The following NREP variants were observed in gnomAD, a reference collection of about 807,000 sequenced individuals.
NREP encodes the protein neuronal regeneration related protein, also known as neuronal regeneration-related protein.
A neutral mutation model predicts 8.6 loss-of-function variants in NREP; 5 were observed. That is an observed-to-expected ratio of 0.58 (90% CI 0.30 to 1.22). The LOEUF (loss-of-function observed/expected upper bound fraction) is 1.22. NREP is among the 50% of genes most tolerant of loss of function. NREP has a pLI of 0.07. For missense variants in NREP, 86 were observed against 82.5 expected, an observed-to-expected ratio of 1.04 and a Z score of -0.17; for synonymous variants, 27 against 28.0, an observed-to-expected ratio of 0.96 and a Z score of 0.11.
chr5:111,793,440 A>G (rs1382311853), intron 2 of NREP, among the ~76,000 whole-genome samples: 1 of 152,136 alleles, frequency 6.6e-6, no homozygotes, highest in African/African-American at 2.4e-5. Context: ...AGGCAGGAGA[A>G]GATAATTGTC....
intron 2 of NREP, among the ~76,000 whole-genome samples, chr5:111,852,208 G>T (rs1308173850): frequency 6.6e-6 from 1 of 152,162 alleles, no homozygotes; most frequent in African/African-American, 2.4e-5. Context: ...TCTCCCAATG[G>T]TGGTGGAAGG....
chr5:111,856,924 G>GA (rs1169745740), intron 2 of NREP, among the ~76,000 whole-genome samples: 2 of 152,122 alleles, frequency 1.3e-5, no homozygotes, highest in Non-Finnish European at 2.9e-5. Context: ...CTCTGTGCTA[G>GA]ATTGTTTTTA....
chr5:111,853,726 G>A (rs1753362170), intron 2 of NREP, among the ~76,000 whole-genome samples: 1 of 151,592 alleles, frequency 6.6e-6, no homozygotes, highest in African/African-American at 2.4e-5. Context: ...GGCTTGGGCT[G>A]GATCTCAGGG....
intron 2 of NREP, among the ~76,000 whole-genome samples, chr5:111,907,553 G>A (rs1010337667): frequency 6.6e-6 from 1 of 151,852 alleles, no homozygotes; most frequent in African/African-American, 2.4e-5. Context: ...CTATTCCTTT[G>A]CCAATACCAT....
chr5:111,952,069 A>G (rs1756176138), intron 2 of NREP, among the ~76,000 whole-genome samples: 1 of 152,114 alleles, frequency 6.6e-6, no homozygotes, highest in Non-Finnish European at 1.5e-5. Flanking sequence ...GTTCTTCTAC[A>G]GTGCTTAATT....
intron 2 of NREP, among the ~76,000 whole-genome samples, chr5:111,810,363 G>T (rs1050471705): frequency 8.5e-5 from 13 of 152,140 alleles, no homozygotes; most frequent in Non-Finnish European, 1.8e-4. Context: ...ACTAGACAAT[G>T]AATAACCTTC....
chr5:111,757,404 G>T, upstream of NREP: 1 of 968,432 alleles, frequency 1.0e-6, no homozygotes, highest in Non-Finnish European at 1.2e-6. Context: ...AAGAGTGTGT[G>T]TGTCTCTCTC....
At chr5:111,772,999 T>C (rs186745977) in intron 2 of NREP, among the ~76,000 whole-genome samples, 9 of 152,198 alleles carry the variant, frequency 5.9e-5, no homozygotes, top group African/African-American at 2.2e-4. Context: ...TAAGTCAACA[T>C]AGTATTGATA....
rs183213331 is a variant in NREP at position 111,881,092 on chromosome 5, C to T, written c.135+94182G>A. Among the ~76,000 whole-genome samples the T allele has an allele frequency of 1.6e-4, 25 of 152,110 alleles. No individual in the cohort carries two copies. The South Asian group carries it at 2.3e-3, about 14-fold the overall frequency. On this transcript the variant is annotated intron_variant, in intron 2 of 3. Transcript: ENST00000395634. ...CCTAGTCAAAGAAAGTGGTGACAGA[C>T]GGCACCTGGAAAATTGGGTTACTCC... is the stretch of plus-strand genomic sequence containing the variant.
Position 111,864,359 on chromosome 5 carries a change from T to C in NREP, c.135+110915A>G, listed in dbSNP as rs190997649. Among the ~76,000 whole-genome samples the C allele has an allele frequency of 1.7e-3, 259 of 152,286 alleles. 1 individual carries two copies. Among genetic ancestry groups the C allele is most frequent in the African/African-American group, 6.0e-3 (249 of 41,568 alleles). On this transcript the variant is annotated intron_variant, in intron 2 of 3. Coordinates refer to the NREP transcript ENST00000395634. The stretch of plus-strand genomic sequence containing the variant: ...TAAGAAGGCATGCAGTGCTCTCTTT[T>C]AGCTGAATAGTATCTCATGGCAATA...
chr5:111,916,610 G>T (rs970155429), intron 2 of NREP, among the ~76,000 whole-genome samples: 6 of 152,156 alleles, frequency 3.9e-5, no homozygotes, highest in Non-Finnish European at 8.8e-5. Context: ...GAGATTCCTT[G>T]GCTTCAAATC....
chr5:111,973,401 T>C (rs1756875526), intron 2 of NREP, among the ~76,000 whole-genome samples: 1 of 152,164 alleles, frequency 6.6e-6, no homozygotes, highest in South Asian at 2.1e-4. Flanking sequence ...CTCCCACATT[T>C]CCTGAGCCAT....
intron 2 of NREP, among the ~76,000 whole-genome samples, chr5:111,853,586 CAA>C (rs1336784095): frequency 2.0e-5 from 3 of 151,738 alleles, no homozygotes; most frequent in African/African-American, 7.3e-5. Context: ...TTACAACTAC[CAA>C]AAAAAGTTTT....
In NREP at chr5:111,731,057, G is replaced by C; in HGVS notation, c.82-11C>G. On this transcript the variant is annotated splice_polypyrimidine_tract_variant and intron_variant, in intron 3 of 3. Coordinates refer to ENST00000257435, the MANE Select transcript of NREP (RefSeq NM_004772.4). ...GACAGGAAGTCTTCCCTGCAAAGCAGGCAGACCCACACACAGACAGACACA... is the reference window on the plus strand; with the variant it reads ...GACAGGAAGTCTTCCCTGCAAAGCACGCAGACCCACACACAGACAGACACA... 1 of 1,613,502 alleles carries C rather than the reference G, an allele frequency of 6.2e-7. No homozygotes were observed. Among genetic ancestry groups the C allele is most frequent in the Non-Finnish European group, 8.5e-7 (1 of 1,179,668 alleles).
At chr5:111,824,235 G>T (rs1345531176) in intron 2 of NREP, among the ~76,000 whole-genome samples, 1 of 152,152 alleles carries the variant, frequency 6.6e-6, no homozygotes, top group Non-Finnish European at 1.5e-5. Flanking sequence ...CTGGCGTAGT[G>T]GTGGGCACCT....
intron 3 of NREP, chr5:111,732,679 A>AAAG (rs1748705101): frequency 6.7e-6 from 1 of 150,340 alleles, no homozygotes; most frequent in Non-Finnish European, 1.5e-5. Context: ...AAAAAAAAAA[A>AAAG]GGAAATCCAC....
At chr5:111,780,509 T>C (rs1452506112) in intron 2 of NREP, among the ~76,000 whole-genome samples, 1 of 152,122 alleles carries the variant, frequency 6.6e-6, no homozygotes, top group Admixed American at 6.6e-5. Context: ...ATCCCACTCA[T>C]TGCTGCAAAC....
At position 111,894,575 on chromosome 5, in the gene NREP, C is replaced by T. The variant is rs1053573492; in HGVS notation, c.135+80699G>A. 3.3e-5 allele frequency among the ~76,000 whole-genome samples: 5 copies of T among 152,042 alleles called. No individual in the cohort carries two copies. In the South Asian group the frequency reaches 1.0e-3, roughly 32 times the overall value. ...ACCAAATGGAAAAACAGCAGCTTTC[C>T]AAGACCACAGCCACTTCTGTGTTGA... On this transcript the variant is annotated intron_variant, in intron 2 of 3. Transcript: ENST00000395634.
intron 2 of NREP, among the ~76,000 whole-genome samples, chr5:111,788,183 T>C (rs1472801527): frequency 1.3e-5 from 2 of 152,246 alleles, no homozygotes; most frequent in African/African-American, 2.4e-5. Flanking sequence ...CAGTGGATTG[T>C]AATGCAACCC....
Sources: gnomAD v4.1 joint callset for allele counts (sites outside exome capture counted in the v4.1 genomes callset) on GRCh38, gnomAD v4.1.1 for gene constraint, MANE v1.5 for transcripts, NCBI Gene and HGNC (gene_info 2026-07-23, HGNC 2026-07-21) for gene names.